FAM228B: variants seen among roughly 807,000 people sequenced by gnomAD.
FAM228B encodes the protein family with sequence similarity 228 member B.
A neutral mutation model predicts 42.6 loss-of-function variants in FAM228B; 38 were observed. The ratio of observed to expected loss-of-function variants is 0.89; its 90% CI spans 0.69 to 1.17. FAM228B has a LOEUF of 1.17. FAM228B is among the 50% of genes most tolerant of loss of function. The pLI is 0.00. For missense variants in FAM228B, 344 were observed against 367.3 expected (o/e 0.94, Z 0.52); for synonymous variants, 109 against 122.3 (o/e 0.89, Z 0.72).
intron 7 of FAM228B, among the ~76,000 whole-genome samples, chr2:24,155,525 A>ATTT (rs1199134206): frequency 3.1e-4 from 15 of 48,300 alleles, no homozygotes; most frequent in East Asian, 6.2e-4. Context: ...ATATATATAT[A>ATTT]TATATATTTT....
chr2:24,118,887 G>T (rs1016398049), upstream of FAM228B, among the ~76,000 whole-genome samples: 1 of 152,148 alleles, frequency 6.6e-6, no homozygotes, highest in African/African-American at 2.4e-5. Flanking sequence ...CTGTTTCAAA[G>T]GAGTGTTTAT....
Position 24,133,054 on chromosome 2 carries a change from C to G in FAM228B, c.100-2065C>G, listed in dbSNP as rs184015471. Among the ~76,000 whole-genome samples the G allele has an allele frequency of 1.1e-4, 16 of 152,318 alleles. No homozygotes were observed. The East Asian group carries it at 3.1e-3, about 29-fold the overall frequency. ...TTCCAGCTCCCATGCTTACCCCAAA[C>G]TCTGTCTTCTAATTCCTGAACCAGT... On this transcript the variant is annotated intron_variant, in intron 2 of 10. Coordinates refer to ENST00000615575, the MANE Select transcript of FAM228B (RefSeq NM_001145710.2).
intron 2 of FAM228B, among the ~76,000 whole-genome samples, chr2:24,085,486 C>A (rs919866242): frequency 2.6e-5 from 4 of 152,246 alleles, no homozygotes; most frequent in East Asian, 1.9e-4. Flanking sequence ...CCGTAGCACT[C>A]CTTGTAAATT....
Position 24,138,115 on chromosome 2 carries a change from T to C in FAM228B, c.360+15T>C. 1 of 1,504,146 alleles carries C rather than the reference T, an allele frequency of 6.6e-7. No homozygotes were observed. The highest frequency in any genetic ancestry group is 8.9e-7 in the Non-Finnish European group (1 of 1,126,740). The allele number at this position is 1,504,146 out of a possible 1,614,324, so 93.2% of individuals were successfully genotyped here. A position where few individuals can be genotyped will look rare whatever the true frequency, so the allele number is the denominator to read the frequency against. ...TAAATAAAAAGGTACTAAGAGATCA[T>C]TTGATGCTTTTTTCAGTTGATTTAG... On this transcript the variant is annotated intron_variant, in intron 4 of 10. Coordinates refer to ENST00000615575, the MANE Select transcript of FAM228B (RefSeq NM_001145710.2).
intron 7 of FAM228B, among the ~76,000 whole-genome samples, chr2:24,153,440 A>C (rs1667066374): frequency 1.3e-5 from 2 of 152,080 alleles, no homozygotes; most frequent in South Asian, 4.1e-4. Context: ...CCTTCCCTTC[A>C]AGGCAGCAGA....
At chr2:24,087,161 GA>G (rs1208558561) in intron 2 of FAM228B, 2 of 152,146 alleles carry the variant, frequency 1.3e-5, no homozygotes, top group African/African-American at 4.8e-5. Context: ...TGTGTAATAA[GA>G]AATATATATT....
intron 1 of FAM228B, chr2:24,079,684 A>G: frequency 1.3e-6 from 2 of 1,574,586 alleles, no homozygotes; most frequent in Non-Finnish European, 1.7e-6. Context: ...GCTTGGTGCT[A>G]AATAAGATAC....
At position 24,167,660 on chromosome 2, in the gene FAM228B, G is replaced by A. The variant is rs1337507026; in HGVS notation, c.966G>A (p.Leu322=). The A allele has an allele frequency of 1.3e-6, 2 of 1,551,540 alleles. No individual in the cohort carries two copies. Among genetic ancestry groups the A allele is most frequent in the South Asian group, 2.4e-5 (2 of 84,054 alleles). ...SPSPRLGLLK[L]EL is the part of the protein sequence containing the mutation. Reference sequence around the variant, plus strand: ...CCCCGCGTTTGGGGCTGCTGAAGCTGGAGCTATAAGAAAGAAGAGGGAGGT... The same window carrying A: ...CCCCGCGTTTGGGGCTGCTGAAGCTAGAGCTATAAGAAAGAAGAGGGAGGT... The change falls in exon 10 of 11, where the codon CTG becomes CTA. Residue 322 remains leucine, a synonymous_variant. Transcript: ENST00000615575.
At chr2:24,136,771 T>C (rs757671965) in intron 3 of FAM228B, among the ~76,000 whole-genome samples, 1 of 152,226 alleles carries the variant, frequency 6.6e-6, no homozygotes, top group Non-Finnish European at 1.5e-5. Flanking sequence ...AAAGTAAATA[T>C]ACACAATATA....
At chr2:24,122,601 A>G (rs1323430144), upstream of FAM228B, 5 of 1,065,378 alleles carry the variant, frequency 4.7e-6, no homozygotes, top group East Asian at 9.5e-5. Context: ...TTTAAAAGGC[A>G]TGTGAATACA....
intron 5 of FAM228B, among the ~76,000 whole-genome samples, chr2:24,144,392 C>T (rs1394487410): frequency 6.6e-6 from 1 of 152,186 alleles, no homozygotes; most frequent in Non-Finnish European, 1.5e-5. Flanking sequence ...AGCCACTGCA[C>T]TCCAGCCTGG....
At chr2:24,086,428 A>G (rs1665254332) in intron 2 of FAM228B, among the ~76,000 whole-genome samples, 1 of 152,166 alleles carries the variant, frequency 6.6e-6, no homozygotes. Flanking sequence ...GGTTCTAACA[A>G]GTGTGGAAAG....
chr2:24,103,118 A>G (rs1456273595), intron 3 of FAM228B, among the ~76,000 whole-genome samples: 5 of 152,210 alleles, frequency 3.3e-5, no homozygotes, highest in Non-Finnish European at 7.3e-5. Flanking sequence ...GGAGGATGAA[A>G]GAAATCATGC....
At chr2:24,123,857 C>T (rs948442730) in intron 1 of FAM228B, among the ~76,000 whole-genome samples, 1 of 152,140 alleles carries the variant, frequency 6.6e-6, no homozygotes, top group Non-Finnish European at 1.5e-5. Flanking sequence ...ACGACATCCC[C>T]GTCGCACCCG....
At chr2:24,093,141 T>A (rs1163843235) in intron 2 of FAM228B, among the ~76,000 whole-genome samples, 2 of 152,196 alleles carry the variant, frequency 1.3e-5, no homozygotes, top group Admixed American at 6.5e-5. Flanking sequence ...TTTTTATTTT[T>A]ATTTTATTTT....
chr2:24,115,929 T>C (rs1250149936), intron 3 of FAM228B, among the ~76,000 whole-genome samples: 1 of 143,806 alleles, frequency 7.0e-6, no homozygotes. Context: ...AAAAAAAGGA[T>C]GAATAATGCA....
In FAM228B at chr2:24,164,328, C is replaced by A. The variant is rs1010474167; in HGVS notation, c.925C>A (p.Gln309Lys). 1 of 1,550,438 alleles carries A rather than the reference C, an allele frequency of 6.4e-7. No individual in the cohort carries two copies. The highest frequency in any genetic ancestry group is 8.7e-7 in the Non-Finnish European group (1 of 1,146,342). The change falls in exon 9 of 11, where the codon CAG (glutamine) becomes AAG (lysine). Residue 309 changes from glutamine (Q) to lysine (K), a missense_variant. Gln to Lys is a moderately conservative substitution (Grantham distance 53). Coordinates refer to ENST00000615575, the MANE Select transcript of FAM228B (RefSeq NM_001145710.2). ...CCTCAGCCAGGAACGGGAGGAAGAC[C>A]AGGATGGGTAAGAGCTGGGGCTGTC... is the stretch of plus-strand genomic sequence containing the variant. Reference protein sequence around the residue: ...LSLSQEREEDQDGSPSPRLGL... With the variant: ...LSLSQEREEDKDGSPSPRLGL...
At chr2:24,122,326 C>CAA (rs71397404), upstream of FAM228B, 3,988 of 740,978 alleles carry the variant, frequency 5.4e-3, 6 homozygotes, top group Admixed American at 0.015. Flanking sequence ...AATTCCGTCT[C>CAA]AAAAAAAAAA....
intron 3 of FAM228B, among the ~76,000 whole-genome samples, chr2:24,110,924 A>G (rs1313410831): frequency 1.3e-5 from 2 of 152,170 alleles, no homozygotes; most frequent in African/African-American, 4.8e-5. Context: ...GCTAGTGTCA[A>G]ATTGAATCGT....
Sources: allele counts gnomAD v4.1 joint callset (sites outside exome capture counted in the v4.1 genomes callset), GRCh38; gene constraint gnomAD v4.1.1; transcripts MANE v1.5; gene names NCBI Gene and HGNC (gene_info 2026-07-23, HGNC 2026-07-21).